KCNQ1OT1: variants seen among roughly 807,000 people sequenced by gnomAD.
KCNQ1OT1 encodes the protein KCNQ1 antisense RNA 2 (non-protein coding).
exon 1 of KCNQ1OT1, chr11:2,641,357 T>C: frequency 2.5e-6 from 1 of 398,490 alleles, no homozygotes; most frequent in Admixed American, 4.4e-5. Flanking sequence ...TCACTATGGT[T>C]TTGGCTTGCA....
In KCNQ1OT1 at chr11:2,624,408, CTT is replaced by C. The variant is rs1849229117; in HGVS notation, n.75585_75586del. 5.0e-6 allele frequency: 2 copies of C among 398,416 alleles called. No homozygotes were observed. Among genetic ancestry groups the C allele is most frequent in the East Asian group, 3.6e-5 (1 of 28,034 alleles). The allele number at this position is 398,416 out of a possible 1,614,324, so 24.7% of individuals were successfully genotyped here. ...GACAGTATGTTTTACAGAGCAGAAA[CTT>C]TTATTTTTAACAAAGTCTAGCTTAT... On this transcript the variant is annotated non_coding_transcript_exon_variant, in exon 1 of 1. Coordinates refer to ENST00000597346, the Ensembl canonical transcript of KCNQ1OT1. The surrounding 1 kb of genome is among the most constrained non-coding windows in gnomAD (Gnocchi z 4.9).
At chr11:2,614,426 G>GT (rs1334685920) in exon 1 of KCNQ1OT1, 11 of 398,270 alleles carry the variant, frequency 2.8e-5, no homozygotes, top group African/African-American at 2.3e-4. Flanking sequence ...ACAATATTGT[G>GT]TTTTTTGTGT....
chr11:2,628,941 T>G (rs1849306693), exon 1 of KCNQ1OT1: 1 of 398,300 alleles, frequency 2.5e-6, no homozygotes, highest in Non-Finnish European at 4.4e-6. Context: ...GTGGGTTTAT[T>G]TCTATGCTTT....
At chr11:2,616,970 T>G (rs1164008900) in exon 1 of KCNQ1OT1, 5 of 398,136 alleles carry the variant, frequency 1.3e-5, no homozygotes, top group Non-Finnish European at 2.2e-5. Flanking sequence ...TGTGTTTTTT[T>G]TTTTTAATTT....
At position 2,628,430 on chromosome 11, in the gene KCNQ1OT1, G is replaced by A. The variant is rs544501494; in HGVS notation, n.71565C>T. 116 of 398,384 alleles carry A rather than the reference G, an allele frequency of 2.9e-4. No individual in the cohort carries two copies. The Middle Eastern group carries it at 3.8e-3, about 13-fold the overall frequency. 24.7% of individuals were successfully genotyped at this position (398,384 alleles called of 1,614,324 possible). On this transcript the variant is annotated non_coding_transcript_exon_variant, in exon 1 of 1. Transcript: ENST00000597346. ...TTATATACCTGTTGACCATCTGTATGTCTTCTTTGAATAAATGTCTATTCA... is the reference window on the plus strand; with the variant it reads ...TTATATACCTGTTGACCATCTGTATATCTTCTTTGAATAAATGTCTATTCA...
Position 2,647,727 on chromosome 11 carries a change from T to A in KCNQ1OT1, n.52268A>T. The A allele has an allele frequency of 5.0e-6, 2 of 398,524 alleles. No individual in the cohort carries two copies. The allele number at this position is 398,524 out of a possible 1,614,324, so 24.7% of individuals were successfully genotyped here. On this transcript the variant is annotated non_coding_transcript_exon_variant, in exon 1 of 1. Transcript: ENST00000597346. This position sits in a 1 kb window ranked among gnomAD's most constrained non-coding sequence, Gnocchi z 4.0. Reference sequence around the variant, plus strand: ...TCTTCCTGGTTCAATCTTGGGAGGTTATATATGTCCAGGAATTTATCTCTT... The same window carrying A: ...TCTTCCTGGTTCAATCTTGGGAGGTAATATATGTCCAGGAATTTATCTCTT...
chr11:2,682,722 GA>G lies in KCNQ1OT1; in HGVS notation n.17272del. 2.5e-6 allele frequency: 1 copy of G among 398,612 alleles called. No homozygotes were observed. The highest frequency in any genetic ancestry group is 4.4e-6 in the Non-Finnish European group (1 of 226,078). 24.7% of individuals were successfully genotyped at this position (398,612 alleles called of 1,614,324 possible). On this transcript the variant is annotated non_coding_transcript_exon_variant, in exon 1 of 1. Transcript: ENST00000597346. The surrounding 1 kb of genome is among the most constrained non-coding windows in gnomAD (Gnocchi z 5.8). ...TGACCAGAATATCTCTAGTCATAAAGAATCTCTTCCCCTTGAGCCCACTCAT... is the reference window on the plus strand; with the variant it reads ...TGACCAGAATATCTCTAGTCATAAAGATCTCTTCCCCTTGAGCCCACTCAT...
Position 2,690,919 on chromosome 11 carries a change from C to A in KCNQ1OT1, n.9076G>T. 2.5e-6 allele frequency: 1 copy of A among 398,430 alleles called. No individual in the cohort carries two copies. Among genetic ancestry groups the A allele is most frequent in the Non-Finnish European group, 4.4e-6 (1 of 226,042 alleles). The allele number at this position is 398,430 out of a possible 1,614,324, so 24.7% of individuals were successfully genotyped here. On this transcript the variant is annotated non_coding_transcript_exon_variant, in exon 1 of 1. Transcript: ENST00000597346. The surrounding 1 kb of genome is among the most constrained non-coding windows in gnomAD (Gnocchi z 5.1). ...GGGTTTTGTCATGTGTAGGTCCCAG[C>A]GGCTTTAAGCCAACCTGAAAGGTTC...
Position 2,653,910 on chromosome 11 carries a change from T to C in KCNQ1OT1, n.46085A>G, listed in dbSNP as rs1305995703. On this transcript the variant is annotated non_coding_transcript_exon_variant, in exon 1 of 1. Coordinates refer to ENST00000597346, the Ensembl canonical transcript of KCNQ1OT1. This position sits in a 1 kb window ranked among gnomAD's most constrained non-coding sequence, Gnocchi z 5.3. ...GCCCCCTAAGGAAGATTTGAGAAGC[T>C]GTTCCCAGAAGCCAGGCCTGGCTGC... 5.0e-6 allele frequency: 2 copies of C among 398,606 alleles called. No homozygotes were observed. The highest frequency in any genetic ancestry group is 2.1e-5 in the African/African-American group (1 of 48,636). 24.7% of individuals were successfully genotyped at this position (398,606 alleles called of 1,614,324 possible).
rs112009532 is a variant in KCNQ1OT1 at position 2,695,893 on chromosome 11, C to T, written n.4102G>A. Reference sequence around the variant, plus strand: ...AACCCTCCTGCAAACTGGCAATCTTCCTACCTTTTTCTTAATGATTTGTGG... The same window carrying T: ...AACCCTCCTGCAAACTGGCAATCTTTCTACCTTTTTCTTAATGATTTGTGG... On this transcript the variant is annotated non_coding_transcript_exon_variant, in exon 1 of 1. Coordinates refer to ENST00000597346, the Ensembl canonical transcript of KCNQ1OT1. This position sits in a 1 kb window ranked among gnomAD's most constrained non-coding sequence, Gnocchi z 5.2. 6.8e-5 allele frequency: 27 copies of T among 398,636 alleles called. 1 individual carries two copies. The highest frequency in any genetic ancestry group is 4.3e-4 in the African/African-American group (21 of 48,746). The allele number at this position is 398,636 out of a possible 1,614,324, so 24.7% of individuals were successfully genotyped here.
exon 1 of KCNQ1OT1, chr11:2,650,042 A>G (rs1286402692): frequency 2.5e-6 from 1 of 398,262 alleles, no homozygotes; most frequent in African/African-American, 2.1e-5. Flanking sequence ...TCAAATTTAG[A>G]AATTATTTCT....
chr11:2,646,078 G>T, exon 1 of KCNQ1OT1: 1 of 398,642 alleles, frequency 2.5e-6, no homozygotes, highest in East Asian at 3.6e-5. Context: ...TCCCATAGAA[G>T]CAGACTGCCT....
At chr11:2,641,898 C>A (rs1564842620) in exon 1 of KCNQ1OT1, 10 of 398,360 alleles carry the variant, frequency 2.5e-5, no homozygotes, top group Non-Finnish European at 4.4e-5. Flanking sequence ...TGCTCTTTTC[C>A]CAGTGTATGT....
Position 2,679,399 on chromosome 11 carries a change from T to C in KCNQ1OT1, n.20596A>G, listed in dbSNP as rs1420154569. 2.5e-6 allele frequency: 1 copy of C among 398,626 alleles called. No homozygotes were observed. The highest frequency in any genetic ancestry group is 2.1e-5 in the African/African-American group (1 of 48,748). 24.7% of individuals were successfully genotyped at this position (398,626 alleles called of 1,614,324 possible). Reference sequence around the variant, plus strand: ...AGTCTCAGTTTCTTTATTTGTAAAATGGGAATCATAAGAGTACCTTCCTCA... The same window carrying C: ...AGTCTCAGTTTCTTTATTTGTAAAACGGGAATCATAAGAGTACCTTCCTCA... On this transcript the variant is annotated non_coding_transcript_exon_variant, in exon 1 of 1. Transcript: ENST00000597346. The surrounding 1 kb of genome is among the most constrained non-coding windows in gnomAD (Gnocchi z 4.8).
In KCNQ1OT1 at chr11:2,658,471, T is replaced by G. The variant is rs1453944201; in HGVS notation, n.41524A>C. The G allele has an allele frequency of 2.5e-6, 1 of 398,452 alleles. No homozygotes were observed. Among genetic ancestry groups the G allele is most frequent in the Non-Finnish European group, 4.4e-6 (1 of 226,050 alleles). The allele number at this position is 398,452 out of a possible 1,614,324, so 24.7% of individuals were successfully genotyped here. A position where few individuals can be genotyped will look rare whatever the true frequency, so the allele number is the denominator to read the frequency against. On this transcript the variant is annotated non_coding_transcript_exon_variant, in exon 1 of 1. Coordinates refer to ENST00000597346, the Ensembl canonical transcript of KCNQ1OT1. The surrounding 1 kb of genome is among the most constrained non-coding windows in gnomAD (Gnocchi z 4.9). ...TGTCCTTTTGATGTGCCCCCCGCCATCCTTTTCATTTATTTTTAAGCATTT... is the reference window on the plus strand; with the variant it reads ...TGTCCTTTTGATGTGCCCCCCGCCAGCCTTTTCATTTATTTTTAAGCATTT...
chr11:2,667,759 G>A lies in KCNQ1OT1; in HGVS notation n.32236C>T, dbSNP rs184756800. 1.2e-3 allele frequency: 484 copies of A among 398,700 alleles called. No individual in the cohort carries two copies. Among genetic ancestry groups the A allele is most frequent in the African/African-American group, 8.9e-3 (432 of 48,754 alleles). 24.7% of individuals were successfully genotyped at this position (398,700 alleles called of 1,614,324 possible). ...GGAGTGGGATGGGGCTGGGCCTAGC[G>A]GCCCTGAAGGCCAGGGCTATCCACC... On this transcript the variant is annotated non_coding_transcript_exon_variant, in exon 1 of 1. Coordinates refer to ENST00000597346, the Ensembl canonical transcript of KCNQ1OT1.
rs886923287 is a variant in KCNQ1OT1 at position 2,677,621 on chromosome 11, G to A, written n.22374C>T. ...CTCTGGATTTGTTTTTTTCTAAAAC[G>A]TGTACATAATTGTAACTCTAACAAC... On this transcript the variant is annotated non_coding_transcript_exon_variant, in exon 1 of 1. Transcript: ENST00000597346. This position sits in a 1 kb window ranked among gnomAD's most constrained non-coding sequence, Gnocchi z 4.5. 4.5e-5 allele frequency: 18 copies of A among 398,378 alleles called. No homozygotes were observed. Among genetic ancestry groups the A allele is most frequent in the African/African-American group, 1.2e-4 (6 of 48,654 alleles). The allele number at this position is 398,378 out of a possible 1,614,324, so 24.7% of individuals were successfully genotyped here.
At position 2,670,702 on chromosome 11, in the gene KCNQ1OT1, G is replaced by A. The variant is rs1027602488; in HGVS notation, n.29293C>T. The A allele has an allele frequency of 2.5e-6, 1 of 398,542 alleles. No individual in the cohort carries two copies. Among genetic ancestry groups the A allele is most frequent in the African/African-American group, 2.1e-5 (1 of 48,618 alleles). The allele number at this position is 398,542 out of a possible 1,614,324, so 24.7% of individuals were successfully genotyped here. ...AGCAGTAACAAGACAAAGGGATTCT[G>A]TGGCCCATGGAGCAGGAGGGAACAG... On this transcript the variant is annotated non_coding_transcript_exon_variant, in exon 1 of 1. Coordinates refer to ENST00000597346, the Ensembl canonical transcript of KCNQ1OT1. This position sits in a 1 kb window ranked among gnomAD's most constrained non-coding sequence, Gnocchi z 4.9.
At chr11:2,655,660 GA>G (rs944092813) in exon 1 of KCNQ1OT1, 4 of 398,398 alleles carry the variant, frequency 1.0e-5, no homozygotes, top group African/African-American at 6.2e-5. Flanking sequence ...AGTGTGTCTG[GA>G]AAGAGCTGAA....
Sources: gnomAD v4.1 joint callset for allele counts on GRCh38, gnomAD v4.1.1 for gene constraint, Gnocchi (gnomAD v3.1) non-coding constraint, MANE v1.5 for transcripts, NCBI Gene and HGNC (gene_info 2026-07-23, HGNC 2026-07-21) for gene names.